The following ANKRD6 variants were observed in gnomAD, a reference collection of about 807,000 sequenced individuals.
ANKRD6 encodes the protein ankyrin repeat domain-containing protein 6.
ANKRD6 carries 56 observed loss-of-function variants against 82.3 expected under a neutral mutation model. The observed-to-expected ratio is 0.68, with a 90% CI of 0.55 to 0.85. ANKRD6 has a LOEUF of 0.85. Among genes scored for constraint, ANKRD6 ranks in the 40% least tolerant of loss-of-function variants. The probability of loss-of-function intolerance (pLI) is 0.00; values close to 1 mark genes in which losing one functional copy is unlikely to be tolerated. For missense variants in ANKRD6, 852 were observed against 907.6 expected (o/e 0.94, Z 0.79); for synonymous variants, 347 against 352.1 (o/e 0.99, Z 0.16).
chr6:89,499,665 A>G (rs1288195346), intron 1 of ANKRD6, among the ~76,000 whole-genome samples: 1 of 152,118 alleles, frequency 6.6e-6, no homozygotes, highest in African/African-American at 2.4e-5. Flanking sequence ...TCACAATACC[A>G]GTTCATAATG....
chr6:89,621,789 C>A, intron 9 of ANKRD6, 133 bp from the exon 10 acceptor site: 1 of 851,480 alleles, frequency 1.2e-6, no homozygotes, highest in Non-Finnish European at 1.9e-6. Flanking sequence ...GAGGTGCTTG[C>A]TTGATGTGAA....
Position 89,632,674 on chromosome 6 carries a change from G to T in ANKRD6, c.*1670G>T, listed in dbSNP as rs1807641304. The T allele has an allele frequency of 6.6e-6, 1 of 152,160 alleles. No individual in the cohort carries two copies. Among genetic ancestry groups the T allele is most frequent in the Non-Finnish European group, 1.5e-5 (1 of 68,016 alleles). 9.4% of individuals were successfully genotyped at this position (152,160 alleles called of 1,614,324 possible). On this transcript the variant is annotated 3_prime_UTR_variant, in exon 16 of 16. Transcript: ENST00000339746. ...TTTCATGTGTTTGGGAGCTTGTCTT[G>T]TTCTCAACTACTACGCAGGTAGACA...
At chr6:89,462,727 G>C (rs1774334711) in intron 1 of ANKRD6, among the ~76,000 whole-genome samples, 2 of 151,960 alleles carry the variant, frequency 1.3e-5, no homozygotes, top group African/African-American at 4.8e-5. Context: ...TTATCTTTGG[G>C]CAATTCCCAT....
Position 89,530,974 on chromosome 6 carries a change from G to T in ANKRD6, c.-143-35860G>T, listed in dbSNP as rs558281923. ...AGGAGTTACAAAGTCTGTTGGGTTT[G>T]TTTTCATGACACATACGCATAAAGT... On this transcript the variant is annotated intron_variant, in intron 1 of 15. Coordinates refer to ENST00000339746, the MANE Select transcript of ANKRD6 (RefSeq NM_001242809.2). Among the ~76,000 whole-genome samples, 3 of 152,350 alleles carry T rather than the reference G, an allele frequency of 2.0e-5. No homozygotes were observed. The South Asian group carries it at 6.2e-4, about 32-fold the overall frequency.
chr6:89,612,308 A>C lies in ANKRD6; in HGVS notation c.454A>C (p.Ser152Arg), dbSNP rs1286741568. The part of the protein sequence containing the change: ...NTALHLACQN[S>R]HSQSTRVLLL... ...AGCTCTGCACCTGGCCTGCCAGAAC[A>C]GCCACTCCCAGAGCACGCGCGTCCT... Residue 152 changes from serine (S) to arginine (R), a missense_variant, in exon 6 of 16, where the codon AGC becomes CGC. Transcript: ENST00000339746. 3.2e-6 allele frequency: 5 copies of C among 1,565,358 alleles called. No individual in the cohort carries two copies. The highest frequency in any genetic ancestry group is 4.3e-6 in the Non-Finnish European group (5 of 1,154,386).
chr6:89,576,737 C>T (rs961077604), intron 2 of ANKRD6, among the ~76,000 whole-genome samples: 1 of 152,066 alleles, frequency 6.6e-6, no homozygotes, highest in Non-Finnish European at 1.5e-5. Flanking sequence ...GTTTTCCTCC[C>T]CAAGGTGCCT....
At chr6:89,446,165 C>T (rs1475386545) in intron 1 of ANKRD6, among the ~76,000 whole-genome samples, 1 of 151,886 alleles carries the variant, frequency 6.6e-6, no homozygotes, top group Non-Finnish European at 1.5e-5. Context: ...CCAGCCTGAC[C>T]AACATGGTGA....
At chr6:89,608,454 A>G (rs1408816949) in intron 5 of ANKRD6, among the ~76,000 whole-genome samples, 1 of 151,554 alleles carries the variant, frequency 6.6e-6, no homozygotes, top group East Asian at 1.9e-4. Flanking sequence ...AGACATCTGC[A>G]TACAAGATCT....
In ANKRD6 at chr6:89,434,324, T is replaced by C. The variant is rs138355955; in HGVS notation, c.-144+949T>C. ...GTGTTAGACACCTTTTGCGAACCTG[T>C]TGGATGTTGAATTCATTCATGCTTA... On this transcript the variant is annotated intron_variant, in intron 1 of 15. Coordinates refer to ENST00000339746, the MANE Select transcript of ANKRD6 (RefSeq NM_001242809.2). Among the ~76,000 whole-genome samples, 18 of 152,354 alleles carry C rather than the reference T, an allele frequency of 1.2e-4. 1 individual carries two copies. Among genetic ancestry groups the C allele is most frequent in the African/African-American group, 4.3e-4 (18 of 41,590 alleles).
intron 1 of ANKRD6, among the ~76,000 whole-genome samples, chr6:89,531,845 G>A (rs1340990801): frequency 2.0e-5 from 3 of 152,216 alleles, no homozygotes; most frequent in African/African-American, 7.2e-5. Context: ...GAAAGAATTG[G>A]CTCATGCCAT....
intron 1 of ANKRD6, among the ~76,000 whole-genome samples, chr6:89,456,759 T>G (rs1352855744): frequency 6.6e-6 from 1 of 152,228 alleles, no homozygotes; most frequent in Non-Finnish European, 1.5e-5. Flanking sequence ...AATTTTATAT[T>G]AAAGTGTTAG....
chr6:89,475,749 A>G (rs1447515977), intron 1 of ANKRD6, among the ~76,000 whole-genome samples: 3 of 152,208 alleles, frequency 2.0e-5, no homozygotes, highest in African/African-American at 7.2e-5. Flanking sequence ...AGATTCCCAG[A>G]TGTGGAAATG....
chr6:89,598,666 A>G (rs1796414347), intron 3 of ANKRD6, among the ~76,000 whole-genome samples: 1 of 152,212 alleles, frequency 6.6e-6, no homozygotes, highest in African/African-American at 2.4e-5. Flanking sequence ...AAAGTGAGAA[A>G]CACTGTCTCA....
At chr6:89,484,258 G>T (rs116868540) in intron 1 of ANKRD6, among the ~76,000 whole-genome samples, 192 of 152,258 alleles carry the variant, frequency 1.3e-3, no homozygotes, top group Non-Finnish European at 2.3e-3. Flanking sequence ...AAACTTCAGT[G>T]TCCTATATTC....
chr6:89,515,339 G>A (rs1158823352), intron 1 of ANKRD6, among the ~76,000 whole-genome samples: 1 of 152,210 alleles, frequency 6.6e-6, no homozygotes, highest in Non-Finnish European at 1.5e-5. Flanking sequence ...AGGAAAACAT[G>A]TCCTCAAACA....
At chr6:89,541,166 G>A (rs766237503) in intron 1 of ANKRD6, among the ~76,000 whole-genome samples, 2 of 151,934 alleles carry the variant, frequency 1.3e-5, no homozygotes, top group Non-Finnish European at 2.9e-5. Flanking sequence ...TGTGAAGAAC[G>A]TCATTGGTAT....
At chr6:89,584,104 C>A (rs186233525) in intron 2 of ANKRD6, among the ~76,000 whole-genome samples, 16 of 152,294 alleles carry the variant, frequency 1.1e-4, no homozygotes, top group Non-Finnish European at 1.5e-5. Context: ...CCACTCTAGA[C>A]GAGACATTAT....
At position 89,624,541 on chromosome 6, in the gene ANKRD6, A is replaced by G; in HGVS notation, c.1221A>G (p.Ala407=). The G allele has an allele frequency of 6.4e-7, 1 of 1,552,456 alleles. No individual in the cohort carries two copies. Among genetic ancestry groups the G allele is most frequent in the African/African-American group, 1.4e-5 (1 of 73,184 alleles). ...YRGKDGKVMQ[A]PINGCRCEPL... ...TTCCTTTTTTGTTTCTCTCTTAGGC[A>G]CCAATAAATGGTTGTCGATGTGAAC... Residue 407 remains alanine (A), a splice_region_variant and synonymous_variant, in exon 13 of 16, where the codon GCA becomes GCG. Coordinates refer to ENST00000339746, the MANE Select transcript of ANKRD6 (RefSeq NM_001242809.2).
intron 1 of ANKRD6, among the ~76,000 whole-genome samples, chr6:89,539,458 A>C (rs539340655): frequency 6.6e-6 from 1 of 152,132 alleles, no homozygotes; most frequent in Non-Finnish European, 1.5e-5. Flanking sequence ...AATGATATAC[A>C]TGGTGTTTAT....
Sources: allele counts gnomAD v4.1 joint callset (sites outside exome capture counted in the v4.1 genomes callset), GRCh38; gene constraint gnomAD v4.1.1; transcripts MANE v1.5; gene names NCBI Gene and HGNC (gene_info 2026-07-23, HGNC 2026-07-21).